The following OLFML1 variants were observed in gnomAD, a reference collection of about 807,000 sequenced individuals.
The protein encoded by OLFML1 is olfactomedin like 1, also known as olfactomedin-like protein 1.
OLFML1 carries 33 observed loss-of-function variants against 37.3 expected under a neutral mutation model. The ratio of observed to expected loss-of-function variants is 0.88; its 90% confidence interval spans 0.67 to 1.18. The LOEUF (loss-of-function observed/expected upper bound fraction) is 1.18, where lower values mean the gene tolerates loss of function less well. Among genes scored for constraint, OLFML1 ranks in the 50% most tolerant of loss-of-function variants. The probability of loss-of-function intolerance (pLI) is 0.00; values close to 1 mark genes in which losing one functional copy is unlikely to be tolerated. For missense variants in OLFML1, 545 were observed against 483.7 expected (o/e 1.13, Z -1.19); for synonymous variants, 186 against 181.3 (o/e 1.03, Z -0.21).
rs1310393258 is a variant in OLFML1, at chr11:7,509,909, C to T, written c.930C>T (p.Thr310=). The T allele has an allele frequency of 4.3e-6, 7 of 1,614,190 alleles. No individual in the cohort carries two copies. Among genetic ancestry groups the T allele is most frequent in the Middle Eastern group, 1.6e-4 (1 of 6,062 alleles). Residue 310 remains threonine, a synonymous_variant, in exon 3 of 3, where the codon ACC becomes ACT. Coordinates refer to ENST00000329293, the MANE Select transcript of OLFML1 (RefSeq NM_198474.4). ...TGGGAGTGGAGCATTCATGGGATACCCCATGCAGAAGCCAGGATGCTGAAG... is the reference window on the plus strand; with the variant it reads ...TGGGAGTGGAGCATTCATGGGATACTCCATGCAGAAGCCAGGATGCTGAAG... The part of the protein sequence containing the change: ...GTLGVEHSWD[T]PCRSQDAEAS...
chr11:7,510,158 C>A lies in OLFML1; in HGVS notation c.1179C>A (p.Leu393=). 6.2e-7 allele frequency: 1 copy of A among 1,610,344 alleles called. No homozygotes were observed. Residue 393 remains leucine (L), a synonymous_variant, in exon 3 of 3, where the codon CTC becomes CTA. Coordinates refer to ENST00000329293, the MANE Select transcript of OLFML1 (RefSeq NM_198474.4). The stretch of plus-strand genomic sequence containing the variant: ...AAGGAAACCAGATCATTTACAAACT[C>A]CAGACAAAGAGAAAGCTGCCTCTGA... ...WNEGNQIIYK[L]QTKRKLPLK
In OLFML1 at chr11:7,509,621, G is replaced by A. The variant is rs2134189984; in HGVS notation, c.642G>A (p.Gln214=). ...PRKQILTLSW[Q]GTGQVIYKGF... is the part of the protein sequence containing the mutation. ...AGCAAATCCTAACACTTTCCTGGCA[G>A]GGAACAGGCCAAGTGATCTACAAAG... Residue 214 remains glutamine (Q), a synonymous_variant, in exon 3 of 3, where the codon CAG becomes CAA. Transcript: ENST00000329293. 6.2e-7 allele frequency: 1 copy of A among 1,614,194 alleles called. No homozygotes were observed. Among genetic ancestry groups the A allele is most frequent in the Non-Finnish European group, 8.5e-7 (1 of 1,180,040 alleles).
At chr11:7,486,964 GC>G (rs1848531340) in intron 1 of OLFML1, among the ~76,000 whole-genome samples, 1 of 152,144 alleles carries the variant, frequency 6.6e-6, no homozygotes, top group African/African-American at 2.4e-5. Flanking sequence ...GCGGCCTCTT[GC>G]GCTTCTTCAC....
chr11:7,499,053 T>C (rs1848692361), intron 2 of OLFML1, among the ~76,000 whole-genome samples: 1 of 152,212 alleles, frequency 6.6e-6, no homozygotes. Context: ...TACAAAGGAA[T>C]AAGTCTCACC....
Position 7,510,324 on chromosome 11 carries a change from C to T in OLFML1, c.*136C>T, listed in dbSNP as rs1848845863. On this transcript the variant is annotated 3_prime_UTR_variant, in exon 3 of 3. Coordinates refer to ENST00000329293, the MANE Select transcript of OLFML1 (RefSeq NM_198474.4). Reference sequence around the variant, plus strand: ...TGTGTAGAAGTGGAAATACGTATGCCTCCTTTCCCAAATGTCACTGCCTTA... The same window carrying T: ...TGTGTAGAAGTGGAAATACGTATGCTTCCTTTCCCAAATGTCACTGCCTTA... 1 of 696,404 alleles carries T rather than the reference C, an allele frequency of 1.4e-6. No homozygotes were observed. Among genetic ancestry groups the T allele is most frequent in the East Asian group, 2.7e-5 (1 of 36,752 alleles). The allele number at this position is 696,404 out of a possible 1,614,324, so 43.1% of individuals were successfully genotyped here.
intron 2 of OLFML1, among the ~76,000 whole-genome samples, chr11:7,506,218 T>A (rs773856486): frequency 6.6e-6 from 1 of 152,102 alleles, no homozygotes; most frequent in Non-Finnish European, 1.5e-5. Context: ...GCTTATAAGC[T>A]AAGAATCTAG....
Position 7,511,373 on chromosome 11 carries a change from C to T in OLFML1, c.*1185C>T, listed in dbSNP as rs1370873103. The T allele has an allele frequency of 1.3e-5, 2 of 152,250 alleles. No individual in the cohort carries two copies. Among genetic ancestry groups the T allele is most frequent in the East Asian group, 3.8e-4 (2 of 5,198 alleles). The allele number at this position is 152,250 out of a possible 1,614,324, so 9.4% of individuals were successfully genotyped here. On this transcript the variant is annotated 3_prime_UTR_variant, in exon 3 of 3. Coordinates refer to ENST00000329293, the MANE Select transcript of OLFML1 (RefSeq NM_198474.4). ...TATATTTGCCCACATACCCTAAGCA[C>T]AAAAGCTTTCTGGGAGTGCTGCTTG... is the stretch of plus-strand genomic sequence containing the variant.
At chr11:7,508,370 CT>C (rs1205977564) in intron 2 of OLFML1, among the ~76,000 whole-genome samples, 5 of 152,194 alleles carry the variant, frequency 3.3e-5, no homozygotes, top group African/African-American at 1.2e-4. Context: ...CTCTACACTT[CT>C]TTACCTAATC....
intron 2 of OLFML1, among the ~76,000 whole-genome samples, chr11:7,501,452 T>C (rs1300649956): frequency 6.6e-6 from 1 of 152,226 alleles, no homozygotes; most frequent in Non-Finnish European, 1.5e-5. Flanking sequence ...TGATGAAGCA[T>C]GTCAGCAGGG....
At chr11:7,496,534 T>C (rs945000391) in intron 2 of OLFML1, among the ~76,000 whole-genome samples, 3 of 152,100 alleles carry the variant, frequency 2.0e-5, no homozygotes, top group Non-Finnish European at 2.9e-5. Context: ...GACCATCACA[T>C]GTTGAGAAAG....
intron 2 of OLFML1, among the ~76,000 whole-genome samples, chr11:7,507,362 A>C (rs983557764): frequency 6.6e-6 from 1 of 152,090 alleles, no homozygotes; most frequent in African/African-American, 2.4e-5. Flanking sequence ...ACCTTGTAGA[A>C]CAGTCTTGAC....
intron 2 of OLFML1, among the ~76,000 whole-genome samples, chr11:7,491,249 G>T (rs1848593876): frequency 6.6e-6 from 1 of 152,126 alleles, no homozygotes; most frequent in African/African-American, 2.4e-5. Flanking sequence ...AGGCAGATTG[G>T]CCTATAATGC....
Position 7,485,901 on chromosome 11 carries a change from C to G in OLFML1, c.26C>G (p.Ser9Cys). Residue 9 changes from serine to cysteine, a missense_variant, in exon 1 of 3, where the codon TCT becomes TGT. Ser to Cys is a moderately radical substitution (Grantham distance 112, BLOSUM62 -1). Transcript: ENST00000329293. ...ATGATGGTGGCCCTTCGAGGAGCTT[C>G]TGCATTGCTGGTTCTGTTCCTTGCA... MMVALRGA[S>C]ALLVLFLAAF... 1 of 1,613,874 alleles carries G rather than the reference C, an allele frequency of 6.2e-7. No homozygotes were observed. Among genetic ancestry groups the G allele is most frequent in the Admixed American group, 1.7e-5 (1 of 60,018 alleles).
At chr11:7,504,623 AG>A (rs1848762347) in intron 2 of OLFML1, 1 of 152,174 alleles carries the variant, frequency 6.6e-6, no homozygotes, top group South Asian at 2.1e-4. Context: ...TTTCTCACGG[AG>A]TAAGTGGGAA....
chr11:7,491,794 T>C (rs534285125), intron 2 of OLFML1, among the ~76,000 whole-genome samples: 3 of 152,338 alleles, frequency 2.0e-5, no homozygotes, highest in African/African-American at 7.2e-5. Context: ...CTTGTAGGGC[T>C]GGGACCCTCA....
At chr11:7,502,012 G>A (rs1207960486) in intron 2 of OLFML1, among the ~76,000 whole-genome samples, 5 of 152,162 alleles carry the variant, frequency 3.3e-5, no homozygotes, top group Admixed American at 6.5e-5. Flanking sequence ...GTGATCTCAA[G>A]GAAATAAGAA....
chr11:7,509,320 C>A, intron 2 of OLFML1, 78 bp from the exon 3 acceptor site: 2 of 1,100,472 alleles, frequency 1.8e-6, no homozygotes, highest in Non-Finnish European at 2.6e-6. Context: ...ACAAGATTTA[C>A]CAAGCATGGG....
chr11:7,503,272 T>G (rs543632275), intron 2 of OLFML1, among the ~76,000 whole-genome samples: 1 of 151,730 alleles, frequency 6.6e-6, no homozygotes, highest in Non-Finnish European at 1.5e-5. Context: ...AGAGGAGGCC[T>G]GAGGATAAGA....
In OLFML1 at chr11:7,510,073, CAAGAAGTCA is replaced by C; in HGVS notation, c.1095_1103del (p.Arg366_His368del). On this transcript the variant is annotated inframe_deletion, in exon 3 of 3. Coordinates refer to ENST00000329293, the MANE Select transcript of OLFML1 (RefSeq NM_198474.4). ...CCCAACTTGTTCTTCCCCAAGAGAC[CAAGAAGTCA>C]CTCCATGATCCATTACAACCCCAGA... 6.2e-7 allele frequency: 1 copy of C among 1,614,200 alleles called. No homozygotes were observed. The highest frequency in any genetic ancestry group is 8.5e-7 in the Non-Finnish European group (1 of 1,180,020).
Sources: gnomAD v4.1 joint callset for allele counts (sites outside exome capture counted in the v4.1 genomes callset) on GRCh38, gnomAD v4.1.1 for gene constraint, MANE v1.5 for transcripts, NCBI Gene and HGNC (gene_info 2026-07-23, HGNC 2026-07-21) for gene names.